C5AR2: variants seen among roughly 807,000 people sequenced by gnomAD.
C5AR2 encodes the protein complement C5a receptor 2, also known as C5a anaphylatoxin chemotactic receptor 2.
For synonymous variants in C5AR2, 224 were observed against 216.5 expected (o/e 1.03, Z -0.30); for missense variants, 458 against 467.5 (o/e 0.98, Z 0.19).
chr19:47,339,956 CTTTT>C (rs1436896269), intron 1 of C5AR2, among the ~76,000 whole-genome samples: 1 of 151,872 alleles, frequency 6.6e-6, no homozygotes, highest in Non-Finnish European at 1.5e-5. Context: ...TTCTTTCTTT[CTTTT>C]CCTATTTTTT....
At position 47,346,484 on chromosome 19, in the gene C5AR2, A is replaced by T. The variant is rs1159550590; in HGVS notation, c.*4671A>T. On this transcript the variant is annotated 3_prime_UTR_variant, in exon 2 of 2. Coordinates refer to ENST00000595464, the MANE Select transcript of C5AR2 (RefSeq NM_001271749.2). ...TTTGGGAGGCCAATGCAGGTGGATC[A>T]CCTGAGGTCAGGAGATCAAGACCAT... 1 of 152,096 alleles carries T rather than the reference A, an allele frequency of 6.6e-6. No homozygotes were observed. Among genetic ancestry groups the T allele is most frequent in the Non-Finnish European group, 1.5e-5 (1 of 68,036 alleles). The allele number at this position is 152,096 out of a possible 1,614,324, so 9.4% of individuals were successfully genotyped here. A position where few individuals can be genotyped will look rare whatever the true frequency, so the allele number is the denominator to read the frequency against.
In C5AR2 at chr19:47,346,394, A is replaced by G. The variant is rs1451141600; in HGVS notation, c.*4581A>G. 6.6e-6 allele frequency: 1 copy of G among 151,728 alleles called. No homozygotes were observed. Among genetic ancestry groups the G allele is most frequent in the Non-Finnish European group, 1.5e-5 (1 of 68,022 alleles). 9.4% of individuals were successfully genotyped at this position (151,728 alleles called of 1,614,324 possible). A position where few individuals can be genotyped will look rare whatever the true frequency, so the allele number is the denominator to read the frequency against. On this transcript the variant is annotated 3_prime_UTR_variant, in exon 2 of 2. Transcript: ENST00000595464. ...GTATAGGCTATTTTTATACCTATAT[A>G]AATAGGTATAGGCTAAAAATAGGTA...
chr19:47,335,834 A>G (rs2059355624), intron 1 of C5AR2, among the ~76,000 whole-genome samples: 1 of 143,230 alleles, frequency 7.0e-6, no homozygotes. Flanking sequence ...TGTAATCAAC[A>G]AGGGCCAGGA....
At chr19:47,333,590 T>C (rs1466080026) in intron 1 of C5AR2, among the ~76,000 whole-genome samples, 4 of 149,114 alleles carry the variant, frequency 2.7e-5, no homozygotes, top group African/African-American at 9.9e-5. Flanking sequence ...ACTCCTTTTT[T>C]TTTTTTTTTT....
At chr19:47,334,476 A>AG (rs1006466721) in intron 1 of C5AR2, among the ~76,000 whole-genome samples, 28 of 150,692 alleles carry the variant, frequency 1.9e-4, no homozygotes, top group Middle Eastern at 3.4e-3. Context: ...CAGAAAAAAA[A>AG]AAAAAAATTA....
intron 1 of C5AR2, among the ~76,000 whole-genome samples, chr19:47,335,175 G>A (rs1415628908): frequency 1.3e-5 from 2 of 151,762 alleles, no homozygotes; most frequent in Non-Finnish European, 2.9e-5. Flanking sequence ...GATTACAGGT[G>A]TGAGCTTCTG....
At position 47,343,485 on chromosome 19, in the gene C5AR2, A is replaced by G. The variant is rs529827425; in HGVS notation, c.*1672A>G. 6.6e-6 allele frequency: 1 copy of G among 152,262 alleles called. No individual in the cohort carries two copies. The highest frequency in any genetic ancestry group is 2.1e-4 in the South Asian group (1 of 4,820). 9.4% of individuals were successfully genotyped at this position (152,262 alleles called of 1,614,324 possible). A position where few individuals can be genotyped will look rare whatever the true frequency, so the allele number is the denominator to read the frequency against. On this transcript the variant is annotated 3_prime_UTR_variant, in exon 2 of 2. Coordinates refer to ENST00000595464, the MANE Select transcript of C5AR2 (RefSeq NM_001271749.2). ...CTGATCTATGTTGTGCAGTTCAACA[A>G]TCAAGAGCCATCTGTGGCTATTCAA...
At chr19:47,336,418 CTCTTTCTTTCTT>C (rs148272302) in intron 1 of C5AR2, among the ~76,000 whole-genome samples, 100,434 of 104,318 alleles carry the variant, frequency 0.96, 48,492 homozygotes, top group East Asian at 1. Flanking sequence ...AAATGCTGTA[CTCTTTCTTTCTT>C]TCTTTCCTTC....
rs1394618070 is a variant in C5AR2 at position 47,333,056 on chromosome 19, G to A, written c.-16+707G>A. Among the ~76,000 whole-genome samples, 4 of 152,030 alleles carry A rather than the reference G, an allele frequency of 2.6e-5. No homozygotes were observed. In the South Asian group the frequency reaches 8.3e-4, roughly 32 times the overall value. On this transcript the variant is annotated intron_variant, in intron 1 of 1. Coordinates refer to ENST00000595464, the MANE Select transcript of C5AR2 (RefSeq NM_001271749.2). ...GTCTCACTCTGTCTCCCAGGCTGGA[G>A]TGCAGTGGTGCGATCTTGGCTCACT...
In C5AR2 at chr19:47,342,867, A is replaced by C. The variant is rs982093173; in HGVS notation, c.*1054A>C. ...ATGCATCTATTTTGAAGGAAAGGCC[A>C]AGTCCAGGCTCCTTAGCTCGGCATT... On this transcript the variant is annotated 3_prime_UTR_variant, in exon 2 of 2. Transcript: ENST00000595464. 1 of 152,278 alleles carries C rather than the reference A, an allele frequency of 6.6e-6. No individual in the cohort carries two copies. The highest frequency in any genetic ancestry group is 1.5e-5 in the Non-Finnish European group (1 of 68,164). 9.4% of individuals were successfully genotyped at this position (152,278 alleles called of 1,614,324 possible).
chr19:47,332,788 AG>A (rs2059344522), intron 1 of C5AR2, among the ~76,000 whole-genome samples: 1 of 152,022 alleles, frequency 6.6e-6, no homozygotes, highest in South Asian at 2.1e-4. Context: ...TCCCGACCTC[AG>A]GTGATCTGTC....
At chr19:47,333,584 CT>C (rs34383862) in intron 1 of C5AR2, among the ~76,000 whole-genome samples, 1,290 of 124,438 alleles carry the variant, frequency 0.01, 11 homozygotes, top group African/African-American at 0.03. Flanking sequence ...GTTCAGACTC[CT>C]TTTTTTTTTT....
At chr19:47,336,377 A>C (rs10404859) in intron 1 of C5AR2, among the ~76,000 whole-genome samples, 2 of 151,482 alleles carry the variant, frequency 1.3e-5, no homozygotes. Context: ...GGTGTGAGCC[A>C]CTGTGCCCGG....
intron 1 of C5AR2, among the ~76,000 whole-genome samples, chr19:47,340,312 G>A (rs1456017811): frequency 6.6e-6 from 1 of 150,852 alleles, no homozygotes; most frequent in Non-Finnish European, 1.5e-5. Context: ...ATTCCAAGAT[G>A]CCACTTCTAA....
intron 1 of C5AR2, among the ~76,000 whole-genome samples, chr19:47,339,045 T>A (rs945596541): frequency 2.6e-5 from 4 of 151,416 alleles, no homozygotes; most frequent in Non-Finnish European, 5.9e-5. Flanking sequence ...TCTCAGCTAC[T>A]TGGGAGGCTG....
At chr19:47,332,700 G>A (rs969689078) in intron 1 of C5AR2, among the ~76,000 whole-genome samples, 1 of 152,016 alleles carries the variant, frequency 6.6e-6, no homozygotes, top group African/African-American at 2.4e-5. Flanking sequence ...GATTACAAGC[G>A]CATGCCACCA....
At position 47,341,380 on chromosome 19, in the gene C5AR2, C is replaced by T. The variant is rs1440484788; in HGVS notation, c.581C>T (p.Ser194Phe). ...LQCVVDYGGS[S>F]STENAVTAIR... ...TGTGTGGTGGACTACGGCGGCTCCTCCAGCACCGAGAATGCGGTGACTGCC... is the reference window on the plus strand; with the variant it reads ...TGTGTGGTGGACTACGGCGGCTCCTTCAGCACCGAGAATGCGGTGACTGCC... The change falls in exon 2 of 2, where the codon TCC becomes TTC. Residue 194 changes from serine to phenylalanine, a missense_variant. Ser to Phe is a radical substitution (Grantham distance 155). Transcript: ENST00000595464. This position sits in a 1 kb window ranked among gnomAD's most constrained non-coding sequence, Gnocchi z 4.6. The T allele has an allele frequency of 6.2e-7, 1 of 1,612,548 alleles. No individual in the cohort carries two copies. The highest frequency in any genetic ancestry group is 1.3e-5 in the African/African-American group (1 of 75,040).
rs368477327 is a variant in C5AR2 at position 47,341,581 on chromosome 19, C to T, written c.782C>T (p.Pro261Leu). 66 of 1,613,598 alleles carry T rather than the reference C, an allele frequency of 4.1e-5. No homozygotes were observed. The highest frequency in any genetic ancestry group is 4.9e-5 in the Non-Finnish European group (58 of 1,179,938). ...LLGLVLTVAAPNSALLARALR... is the reference protein window; with the variant it reads ...LLGLVLTVAALNSALLARALR... ...GGGCTGGTGCTCACTGTGGCGGCCCCGAACTCCGCACTCCTGGCCAGGGCC... is the reference window on the plus strand; with the variant it reads ...GGGCTGGTGCTCACTGTGGCGGCCCTGAACTCCGCACTCCTGGCCAGGGCC... The change falls in exon 2 of 2, where the codon CCG (proline) becomes CTG (leucine). Residue 261 changes from proline (P) to leucine (L), a missense_variant. Coordinates refer to ENST00000595464, the MANE Select transcript of C5AR2 (RefSeq NM_001271749.2). The surrounding 1 kb of genome is among the most constrained non-coding windows in gnomAD (Gnocchi z 4.6).
chr19:47,341,618 A>T lies in C5AR2; in HGVS notation c.819A>T (p.Glu273Asp). ...TCCTGGCCAGGGCCCTGCGGGCTGA[A>T]CCCCTCATCGTGGGCCTTGCCCTCG... is the stretch of plus-strand genomic sequence containing the variant. ...SALLARALRA[E>D]PLIVGLALAH... Residue 273 changes from glutamate (E) to aspartate (D), a missense_variant, in exon 2 of 2, where the codon GAA (glutamate) becomes GAT (aspartate). By Grantham distance (45) the Glu-to-Asp change is conservative. Transcript: ENST00000595464. This position sits in a 1 kb window ranked among gnomAD's most constrained non-coding sequence, Gnocchi z 4.6. The T allele has an allele frequency of 6.2e-7, 1 of 1,613,838 alleles. No homozygotes were observed. The highest frequency in any genetic ancestry group is 8.5e-7 in the Non-Finnish European group (1 of 1,179,958).
Sources: gnomAD v4.1 joint callset for allele counts (sites outside exome capture counted in the v4.1 genomes callset) on GRCh38, gnomAD v4.1.1 for gene constraint, Gnocchi (gnomAD v3.1) non-coding constraint, MANE v1.5 for transcripts, NCBI Gene and HGNC (gene_info 2026-07-23, HGNC 2026-07-21) for gene names.